Variants in TMEM116 observed in about 807,000 individuals in gnomAD.
The protein encoded by TMEM116 is transmembrane protein 116.
In TMEM116, 38 loss-of-function variants were observed where a neutral mutation model predicts 44.3. That is an observed-to-expected ratio of 0.86 (90% CI 0.66 to 1.12). The LOEUF (loss-of-function observed/expected upper bound fraction) is 1.12. Ranked by LOEUF, TMEM116 falls within the 50% of genes most tolerant of loss-of-function variation. TMEM116 has a pLI of 0.00. For synonymous variants in TMEM116, 132 were observed against 144.8 expected (o/e 0.91, Z 0.64); for missense variants, 354 against 401.7 (o/e 0.88, Z 1.01).
At chr12:112,012,890 C>T (rs577136535) in intron 1 of TMEM116, 112 bp downstream of exon 1, 1 of 154,060 alleles carries the variant, frequency 6.5e-6, no homozygotes, top group African/African-American at 2.4e-5. Context: ...CCACACTGAC[C>T]GCCAAGCCTG....
intron 4 of TMEM116, among the ~76,000 whole-genome samples, chr12:111,955,952 A>G (rs1046151317): frequency 5.9e-5 from 9 of 152,194 alleles, no homozygotes; most frequent in Non-Finnish European, 1.3e-4. Flanking sequence ...ATGTTCACAC[A>G]ATGATGAAAT....
chr12:111,972,454 A>T (rs554108922), intron 4 of TMEM116, among the ~76,000 whole-genome samples: 78 of 152,374 alleles, frequency 5.1e-4, no homozygotes, highest in African/African-American at 1.8e-3. Context: ...GATTTAGTAA[A>T]CTTAAACAAT....
intron 4 of TMEM116, among the ~76,000 whole-genome samples, chr12:111,964,440 CAAAA>C (rs553179003): frequency 4.8e-5 from 3 of 62,120 alleles, no homozygotes; most frequent in African/African-American, 5.8e-5. Flanking sequence ...GACTCCATCT[CAAAA>C]AAAAAAAAAA....
chr12:111,938,112 A>G (rs745920026), intron 6 of TMEM116, 49 bp downstream of exon 6: 3 of 1,323,258 alleles, frequency 2.3e-6, no homozygotes, highest in African/African-American at 3.0e-5. Flanking sequence ...CCTGAACACC[A>G]GAATAATGAG....
At chr12:111,950,469 TAAAAA>T (rs34167575) in intron 4 of TMEM116, among the ~76,000 whole-genome samples, 2 of 124,610 alleles carry the variant, frequency 1.6e-5, no homozygotes. Context: ...GATCTGATCT[TAAAAA>T]AAAAAAAAAA....
intron 5 of TMEM116, among the ~76,000 whole-genome samples, chr12:111,938,457 A>G (rs1281638251): frequency 6.6e-6 from 1 of 152,220 alleles, no homozygotes; most frequent in African/African-American, 2.4e-5. Context: ...AGCCACAAAG[A>G]AAGCCTGCAG....
In TMEM116 at chr12:111,991,822, A is replaced by T; in HGVS notation, c.146T>A (p.Leu49His). ...ATTTGCTACTGAAGCTCCATAGAGA[A>T]GTGTCTCCGTGAGCCAGCAAAGTCC... ...LLGLCWLTET[L>H]LYGASVANKD... is the part of the protein sequence containing the mutation. The change falls in exon 4 of 11, where the codon CTT becomes CAT. Residue 49 changes from leucine (L) to histidine (H), a missense_variant. Coordinates refer to ENST00000552374, the MANE Select transcript of TMEM116 (RefSeq NM_001193531.2). The T allele has an allele frequency of 6.5e-7, 1 of 1,536,078 alleles. No individual in the cohort carries two copies. Among genetic ancestry groups the T allele is most frequent in the Non-Finnish European group, 8.7e-7 (1 of 1,146,716 alleles).
intron 4 of TMEM116, among the ~76,000 whole-genome samples, chr12:111,957,809 C>A (rs964560150): frequency 3.9e-5 from 6 of 152,206 alleles, no homozygotes; most frequent in Admixed American, 3.9e-4. Flanking sequence ...GCCATGATGA[C>A]AATGGCGGTT....
rs1565972542 is a variant in TMEM116, at chr12:112,003,858, AT to A, written c.19del (p.Ile7Ter). The stretch of plus-strand genomic sequence containing the variant: ...ATAGGCAATAAGTGAACTTGAACCT[AT>A]AACACTGAGAAATTTAGAAGATGAT... MATLSV[I>X]GSSSLIAYAV... is the part of the protein sequence containing the mutation. On this transcript the variant is annotated frameshift_variant, in exon 3 of 11. Transcript: ENST00000552374. LOFTEE classifies it high-confidence loss of function. The A allele has an allele frequency of 1.1e-5, 16 of 1,505,364 alleles. No homozygotes were observed. The highest frequency in any genetic ancestry group is 1.4e-5 in the Non-Finnish European group (16 of 1,137,116). 93.3% of individuals were successfully genotyped at this position (1,505,364 alleles called of 1,614,324 possible).
At chr12:111,981,882 C>T (rs1476553283) in intron 4 of TMEM116, among the ~76,000 whole-genome samples, 1 of 152,070 alleles carries the variant, frequency 6.6e-6, no homozygotes, top group Non-Finnish European at 1.5e-5. Flanking sequence ...TCATTTGTAA[C>T]AACAGGATAA....
chr12:111,953,806 T>C (rs1027100498), intron 4 of TMEM116, among the ~76,000 whole-genome samples: 6 of 152,168 alleles, frequency 3.9e-5, no homozygotes, highest in Admixed American at 2.0e-4. Context: ...AGAGAGTCTC[T>C]CTCTCTGTTA....
At chr12:111,979,660 ACT>A (rs1176529330) in intron 4 of TMEM116, among the ~76,000 whole-genome samples, 1 of 152,288 alleles carries the variant, frequency 6.6e-6, no homozygotes, top group East Asian at 1.9e-4. Context: ...TCTGCAGAAG[ACT>A]CTGTTAAAAG....
intron 4 of TMEM116, among the ~76,000 whole-genome samples, chr12:111,968,141 C>G (rs1297376203): frequency 6.6e-6 from 1 of 151,974 alleles, no homozygotes; most frequent in Non-Finnish European, 1.5e-5. Context: ...TACTGACTGG[C>G]GCATGTGTCT....
rs1239291654 is a variant in TMEM116, at chr12:111,936,744, T to C, written c.536A>G (p.Tyr179Cys). ...GCTGCCCAGGAAAATGGCGATACCATAAAAATAAAGTGTGCTACAGACAGA... is the reference window on the plus strand; with the variant it reads ...GCTGCCCAGGAAAATGGCGATACCACAAAAATAAAGTGTGCTACAGACAGA... Reference protein sequence around the residue: ...NTSVCSTLYFYGIAIFLGSFV... With the variant: ...NTSVCSTLYFCGIAIFLGSFV... The change falls in exon 8 of 11, where the codon TAT (tyrosine) becomes TGT (cysteine). Residue 179 changes from tyrosine to cysteine, a missense_variant. Tyr to Cys is a radical substitution (Grantham distance 194). Transcript: ENST00000552374. The C allele has an allele frequency of 8.1e-6, 13 of 1,613,808 alleles. No individual in the cohort carries two copies. The highest frequency in any genetic ancestry group is 1.1e-5 in the Non-Finnish European group (13 of 1,179,972).
At chr12:111,948,942 T>C (rs746513052) in intron 4 of TMEM116, among the ~76,000 whole-genome samples, 50 of 141,616 alleles carry the variant, frequency 3.5e-4, no homozygotes, top group Non-Finnish European at 5.8e-4. Flanking sequence ...TAAAATTAGC[T>C]GGGCATGGTG....
intron 4 of TMEM116, among the ~76,000 whole-genome samples, chr12:111,984,594 A>C (rs2076123744): frequency 6.6e-6 from 1 of 152,064 alleles, no homozygotes; most frequent in Non-Finnish European, 1.5e-5. Flanking sequence ...AAAAGAACTA[A>C]AACAGTATAA....
intron 4 of TMEM116, among the ~76,000 whole-genome samples, chr12:111,968,221 T>C (rs1644833306): frequency 6.6e-6 from 1 of 152,150 alleles, no homozygotes; most frequent in South Asian, 2.1e-4. Context: ...AGAGTCCACA[T>C]GGTGCCAACA....
chr12:111,932,709 G>A, intron 9 of TMEM116, 50 bp from the exon 10 acceptor site: 1 of 1,462,922 alleles, frequency 6.8e-7, no homozygotes, highest in South Asian at 1.1e-5. Flanking sequence ...ACTGTCTGAA[G>A]TATCAGGTTC....
chr12:111,945,343 C>CAAA (rs917839133), intron 4 of TMEM116, among the ~76,000 whole-genome samples: 125 of 33,422 alleles, frequency 3.7e-3, no homozygotes, highest in Non-Finnish European at 7.4e-3. Context: ...GACTCCATCT[C>CAAA]AAAAAAAAAA....
Sources: gnomAD v4.1 joint callset for allele counts (sites outside exome capture counted in the v4.1 genomes callset) on GRCh38, gnomAD v4.1.1 for gene constraint, MANE v1.5 for transcripts, NCBI Gene and HGNC (gene_info 2026-07-23, HGNC 2026-07-21) for gene names.